CAPN5: variants seen among roughly 807,000 people sequenced by gnomAD.
CAPN5 encodes calpain-5.
Under a neutral mutation model 73.0 loss-of-function variants are expected in CAPN5, and 54 were observed. The ratio of observed to expected loss-of-function variants is 0.74; its 90% CI spans 0.59 to 0.93. CAPN5 has a LOEUF of 0.93. CAPN5 is among the 40% of genes least tolerant of loss of function. The pLI is 0.00. For synonymous variants in CAPN5, 335 were observed against 356.9 expected, an observed-to-expected ratio of 0.94 and a Z score of 0.69; for missense variants, 785 against 882.9, an observed-to-expected ratio of 0.89 and a Z score of 1.41.
At chr11:77,085,734 C>A (rs1007315919) in intron 2 of CAPN5, among the ~76,000 whole-genome samples, 1 of 152,090 alleles carries the variant, frequency 6.6e-6, no homozygotes, top group Admixed American at 6.5e-5. Context: ...TCCCCTTGAA[C>A]CCCGATTCCT....
intron 1 of CAPN5, among the ~76,000 whole-genome samples, chr11:77,082,180 G>A (rs749464369): frequency 1.2e-4 from 19 of 152,084 alleles, no homozygotes; most frequent in Non-Finnish European, 2.2e-4. Context: ...ACAGTCTTGT[G>A]GGAGCTGCGA....
Position 77,092,368 on chromosome 11 carries a change from C to G in CAPN5, c.166-1314C>G, listed in dbSNP as rs370042290. Among the ~76,000 whole-genome samples the G allele has an allele frequency of 1.8e-4, 27 of 152,376 alleles. 1 individual carries two copies. The highest frequency in any genetic ancestry group is 6.5e-4 in the African/African-American group (27 of 41,592). On this transcript the variant is annotated intron_variant, in intron 2 of 12. Coordinates refer to ENST00000648180, the MANE Select transcript of CAPN5 (RefSeq NM_004055.5). ...TCAGTCTCCAGTCTGAAGCCAAAGC[C>G]CATGCTTTTCCCTTTCACAGCACTG...
chr11:77,100,250 C>T (rs924412138), intron 3 of CAPN5, among the ~76,000 whole-genome samples: 11 of 152,188 alleles, frequency 7.2e-5, no homozygotes, highest in Admixed American at 6.5e-4. Context: ...CCAAGGTGTC[C>T]GATGGCTGAG....
intron 5 of CAPN5, among the ~76,000 whole-genome samples, chr11:77,115,041 C>A (rs1193651027): frequency 6.6e-6 from 1 of 150,934 alleles, no homozygotes; most frequent in African/African-American, 2.4e-5. Flanking sequence ...CCAGCCTGGG[C>A]AACAAGAGCA....
At chr11:77,076,521 A>G (rs1282811764) in intron 1 of CAPN5, among the ~76,000 whole-genome samples, 1 of 151,860 alleles carries the variant, frequency 6.6e-6, no homozygotes, top group African/African-American at 2.4e-5. Context: ...CTCCCTCCCC[A>G]CCCTCACCCC....
At chr11:77,098,303 C>T (rs1296954495) in intron 3 of CAPN5, among the ~76,000 whole-genome samples, 5 of 100,096 alleles carry the variant, frequency 5.0e-5, no homozygotes, top group African/African-American at 1.2e-4. Flanking sequence ...CCCTCCCGGA[C>T]GGGGCAGCTG....
intron 4 of CAPN5, 40 bp downstream of exon 4, chr11:77,112,837 C>A (rs376161751): frequency 1.9e-6 from 3 of 1,588,574 alleles, no homozygotes; most frequent in Non-Finnish European, 2.6e-6. Flanking sequence ...GAGGCCCAGA[C>A]GGGGGTGGCA....
chr11:77,085,151 G>C, intron 2 of CAPN5, 100 bp downstream of exon 2: 1 of 1,019,088 alleles, frequency 9.8e-7, no homozygotes, highest in Non-Finnish European at 1.5e-6. Flanking sequence ...AGGCATCCCT[G>C]GCCCCAGGCT....
At chr11:77,076,132 C>G (rs1303970779) in intron 1 of CAPN5, among the ~76,000 whole-genome samples, 1 of 151,584 alleles carries the variant, frequency 6.6e-6, no homozygotes, top group Non-Finnish European at 1.5e-5. Context: ...GAGGCCAAGG[C>G]AGGCAGATCA....
intron 3 of CAPN5, among the ~76,000 whole-genome samples, chr11:77,095,771 C>T (rs966987688): frequency 2.0e-5 from 3 of 152,254 alleles, no homozygotes; most frequent in Non-Finnish European, 4.4e-5. Flanking sequence ...CAGTGAAGAA[C>T]AGGCCCAGGA....
intron 3 of CAPN5, among the ~76,000 whole-genome samples, chr11:77,111,153 C>T (rs1378257691): frequency 6.6e-6 from 1 of 151,972 alleles, no homozygotes; most frequent in Non-Finnish European, 1.5e-5. Context: ...CTGGTATAGC[C>T]CCGCCTGCAC....
chr11:77,107,328 C>T (rs1950362182), intron 3 of CAPN5, among the ~76,000 whole-genome samples: 1 of 152,186 alleles, frequency 6.6e-6, no homozygotes, highest in Non-Finnish European at 1.5e-5. Context: ...CTCCCTGTAG[C>T]CCCCATTCCA....
chr11:77,097,480 T>TTTA (rs1555037678), intron 3 of CAPN5, among the ~76,000 whole-genome samples: 4,150 of 144,788 alleles, frequency 0.029, 99 homozygotes, highest in African/African-American at 0.062. Flanking sequence ...TTTTTTTTTT[T>TTTA]TTTTTTTTTA....
At chr11:77,101,483 T>C (rs1323559531) in intron 3 of CAPN5, among the ~76,000 whole-genome samples, 4 of 152,178 alleles carry the variant, frequency 2.6e-5, no homozygotes, top group Non-Finnish European at 5.9e-5. Context: ...TCAAATACCC[T>C]TGGGGGAATT....
chr11:77,096,998 G>A (rs1227436591), intron 3 of CAPN5, among the ~76,000 whole-genome samples: 2 of 152,150 alleles, frequency 1.3e-5, no homozygotes, highest in African/African-American at 2.4e-5. Context: ...TGAGGTGGGC[G>A]GATCACGAGG....
intron 1 of CAPN5, 60 bp from the exon 2 acceptor site, chr11:77,084,792 C>A (rs961232028): frequency 6.9e-7 from 1 of 1,458,572 alleles, no homozygotes; most frequent in South Asian, 1.2e-5. Context: ...GTCCGCTTCA[C>A]AGGGCACATC....
At chr11:77,093,074 C>T (rs1377251368) in intron 2 of CAPN5, among the ~76,000 whole-genome samples, 2 of 152,266 alleles carry the variant, frequency 1.3e-5, no homozygotes, top group Non-Finnish European at 2.9e-5. Context: ...ATCTCTGAAC[C>T]TCCATTCCTC....
At chr11:77,086,253 A>G (rs958239543) in intron 2 of CAPN5, among the ~76,000 whole-genome samples, 3 of 152,144 alleles carry the variant, frequency 2.0e-5, no homozygotes, top group Non-Finnish European at 4.4e-5. Flanking sequence ...GGAAAATGAA[A>G]TGTAGTTTTC....
In CAPN5 at chr11:77,093,731, A is replaced by G. The variant is rs782205506; in HGVS notation, c.215A>G (p.Asp72Gly). The change falls in exon 3 of 13, where the codon GAC becomes GGC. Residue 72 changes from aspartate to glycine, a missense_variant. Transcript: ENST00000648180. ...TTTGTGGATGGCATCAGCTCCCACG[A>G]CCTGCACCAGGGCCAGGTGGGCAAC... ...RLFVDGISSH[D>G]LHQGQVGNCW... The G allele has an allele frequency of 2.5e-6, 4 of 1,611,416 alleles. No individual in the cohort carries two copies. The East Asian group carries it at 8.9e-5, about 36-fold the overall frequency.
Sources: gnomAD v4.1 joint callset for allele counts (sites outside exome capture counted in the v4.1 genomes callset) on GRCh38, gnomAD v4.1.1 for gene constraint, MANE v1.5 for transcripts, NCBI Gene and HGNC (gene_info 2026-07-23, HGNC 2026-07-21) for gene names.